Variants in REDIC1 observed in about 807,000 individuals in gnomAD.
The protein encoded by REDIC1 is regulator of DNA class I crossover intermediates 1, also known as HEI10 Interacting Protein 1.
chr12:39,649,205 G>C, the REDIC1 span, among the ~76,000 whole-genome samples: 1 of 151,952 alleles, frequency 6.6e-6, no homozygotes, highest in Non-Finnish European at 1.5e-5. Flanking sequence ...CTGAAAAATA[G>C]ATAATGTCCC....
chr12:39,632,936 G>A, the REDIC1 span, among the ~76,000 whole-genome samples: 1 of 152,114 alleles, frequency 6.6e-6, no homozygotes, highest in African/African-American at 2.4e-5. Context: ...GAAGCATTAG[G>A]ACATTACTGT....
the REDIC1 span, among the ~76,000 whole-genome samples, chr12:39,858,983 C>T: frequency 2.0e-4 from 31 of 152,094 alleles, no homozygotes; most frequent in South Asian, 4.1e-3. Context: ...GTTAATGATG[C>T]GTTTGTTAAA....
At chr12:39,711,998 CTG>C in the REDIC1 span, among the ~76,000 whole-genome samples, 2 of 42,070 alleles carry the variant, frequency 4.8e-5, no homozygotes, top group Non-Finnish European at 6.2e-5. Context: ...ATATACATGT[CTG>C]TATATATACC....
At chr12:39,812,847 T>C in the REDIC1 span, among the ~76,000 whole-genome samples, 54 of 149,248 alleles carry the variant, frequency 3.6e-4, no homozygotes, top group Admixed American at 2.0e-3. Flanking sequence ...TTTTTTTTTT[T>C]TTTTTGAGAT....
chr12:39,733,216 A>G, the REDIC1 span, among the ~76,000 whole-genome samples: 11 of 152,200 alleles, frequency 7.2e-5, no homozygotes, highest in African/African-American at 2.2e-4. Context: ...AAAGTTGCCA[A>G]TGTACTCTGC....
At chr12:39,712,718 TATACGTGTATATATGTATATAGACG>T in the REDIC1 span, among the ~76,000 whole-genome samples, 1 of 123,020 alleles carries the variant, frequency 8.1e-6, no homozygotes, top group Admixed American at 7.9e-5. Flanking sequence ...TATATAGACG[TATACGTGTATATATGTATATAGACG>T]TGTACACATA....
At chr12:39,746,363 G>A in the REDIC1 span, among the ~76,000 whole-genome samples, 1 of 152,192 alleles carries the variant, frequency 6.6e-6, no homozygotes, top group African/African-American at 2.4e-5. Flanking sequence ...CTGCAAGGCA[G>A]CAGTGAGGCT....
the REDIC1 span, among the ~76,000 whole-genome samples, chr12:39,707,245 G>C: frequency 2.0e-5 from 3 of 151,564 alleles, no homozygotes; most frequent in Non-Finnish European, 4.4e-5. Context: ...ATGGCAAAGG[G>C]GCATATGAAA....
At chr12:39,761,486 A>G in the REDIC1 span, among the ~76,000 whole-genome samples, 1 of 152,124 alleles carries the variant, frequency 6.6e-6, no homozygotes, top group Admixed American at 6.6e-5. Context: ...AGTGATGCCC[A>G]GATTGTTAAA....
At chr12:39,722,397 A>G in the REDIC1 span, among the ~76,000 whole-genome samples, 1 of 152,150 alleles carries the variant, frequency 6.6e-6, no homozygotes, top group African/African-American at 2.4e-5. Context: ...GTATGTTGAT[A>G]GTTTTTCAAA....
chr12:39,630,290 A>C, the REDIC1 span, among the ~76,000 whole-genome samples: 1 of 152,214 alleles, frequency 6.6e-6, no homozygotes, highest in Non-Finnish European at 1.5e-5. Context: ...TCGGCTATAG[A>C]TCTATAAATA....
chr12:39,757,047 A>G, the REDIC1 span: 1 of 151,778 alleles, frequency 6.6e-6, no homozygotes, highest in African/African-American at 2.4e-5. Context: ...AATCAAAATT[A>G]TTAGGAATGT....
At chr12:39,810,652 A>T in the REDIC1 span, among the ~76,000 whole-genome samples, 1 of 152,262 alleles carries the variant, frequency 6.6e-6, no homozygotes, top group East Asian at 1.9e-4. Flanking sequence ...GTTTCCTTCC[A>T]TTACCAGCCT....
At chr12:39,904,714 A>C in the REDIC1 span, among the ~76,000 whole-genome samples, 3 of 152,134 alleles carry the variant, frequency 2.0e-5, no homozygotes, top group East Asian at 5.8e-4. Context: ...TGCTGCAACC[A>C]AGTAAACTAG....
At chr12:39,750,916 A>G in the REDIC1 span, among the ~76,000 whole-genome samples, 1 of 152,206 alleles carries the variant, frequency 6.6e-6, no homozygotes, top group Non-Finnish European at 1.5e-5. Context: ...TTAATTCAAG[A>G]TGGATTAAAG....
chr12:39,729,792 A>G, the REDIC1 span, among the ~76,000 whole-genome samples: 1 of 152,100 alleles, frequency 6.6e-6, no homozygotes, highest in African/African-American at 2.4e-5. Context: ...ATGTGGGAGT[A>G]TAAGTCTCTT....
chr12:39,901,031 A>G, the REDIC1 span, among the ~76,000 whole-genome samples: 321 of 152,206 alleles, frequency 2.1e-3, no homozygotes, highest in Non-Finnish European at 3.8e-3. Context: ...CAGAAATAAC[A>G]CTGCATATCT....
chr12:39,696,557 A>AT, the REDIC1 span, among the ~76,000 whole-genome samples: 1 of 136,062 alleles, frequency 7.3e-6, no homozygotes, highest in Non-Finnish European at 1.5e-5. Flanking sequence ...AAAAAAAAAA[A>AT]AAAAAAAAAA....
chr12:39,678,512 A>G, the REDIC1 span, among the ~76,000 whole-genome samples: 7 of 152,014 alleles, frequency 4.6e-5, no homozygotes, highest in Non-Finnish European at 1.0e-4. Context: ...CAGCCATTCA[A>G]AGAAGAATTG....
Sources: allele counts gnomAD v4.1 joint callset (sites outside exome capture counted in the v4.1 genomes callset), GRCh38; gene constraint gnomAD v4.1.1; transcripts MANE v1.5; gene names NCBI Gene and HGNC (gene_info 2026-07-23, HGNC 2026-07-21).